The following PHF11 variants were observed in gnomAD, a reference collection of about 807,000 sequenced individuals.
PHF11 encodes the protein BRCA1 C-terminus-associated protein.
In PHF11, 38 loss-of-function variants were observed where a neutral mutation model predicts 40.5. The ratio of observed to expected loss-of-function variants is 0.94; its 90% CI spans 0.72 to 1.23. PHF11 has a LOEUF of 1.23. Among genes scored for constraint, PHF11 ranks in the 50% most tolerant of loss-of-function variants. The pLI is 0.00. For synonymous variants in PHF11, 127 were observed against 138.2 expected (o/e 0.92, Z 0.57); for missense variants, 369 against 392.4 (o/e 0.94, Z 0.50).
chr13:49,522,200 T>C, intron 6 of PHF11, 93 bp downstream of exon 6: 1 of 670,570 alleles, frequency 1.5e-6, no homozygotes, highest in Non-Finnish European at 2.7e-6. Flanking sequence ...ACTTTCCAAA[T>C]CGTCCAAACA....
intron 2 of PHF11, among the ~76,000 whole-genome samples, chr13:49,511,891 G>A (rs1192740746): frequency 6.6e-6 from 1 of 152,064 alleles, no homozygotes; most frequent in Admixed American, 6.6e-5. Context: ...TTAATTTGGG[G>A]CACTCAGTCT....
In PHF11 at chr13:49,526,383, C is replaced by G; in HGVS notation, c.770-4C>G. 1 of 1,596,820 alleles carries G rather than the reference C, an allele frequency of 6.3e-7. No homozygotes were observed. Among genetic ancestry groups the G allele is most frequent in the Non-Finnish European group, 8.6e-7 (1 of 1,164,416 alleles). On this transcript the variant is annotated splice_polypyrimidine_tract_variant and splice_region_variant and intron_variant, in intron 8 of 9. Transcript: ENST00000378319. Reference sequence around the variant, plus strand: ...TAATATTGAAAATGTTTCTCTCCCTCCAGACTATGAAGAAATCGGGAGTGC... The same window carrying G: ...TAATATTGAAAATGTTTCTCTCCCTGCAGACTATGAAGAAATCGGGAGTGC...
chr13:49,528,363 G>C, intron 9 of PHF11, 148 bp from the exon 10 acceptor site: 1 of 577,410 alleles, frequency 1.7e-6, no homozygotes, highest in Non-Finnish European at 3.0e-6. Context: ...AAAGAAACCA[G>C]CTCCTGCCCA....
chr13:49,526,136 T>C, intron 8 of PHF11: 1 of 420,762 alleles, frequency 2.4e-6, no homozygotes, highest in Non-Finnish European at 4.3e-6. Flanking sequence ...ACCACTGCAC[T>C]CCAGTCTGGG....
intron 1 of PHF11, among the ~76,000 whole-genome samples, chr13:49,499,468 C>T (rs554849069): frequency 5.4e-4 from 83 of 152,326 alleles, no homozygotes; most frequent in African/African-American, 2.0e-3. Context: ...TAAAGATATT[C>T]CCAGTGATGC....
At position 49,496,465 on chromosome 13, in the gene PHF11, G is replaced by A. The variant is rs75882099; in HGVS notation, c.94+370G>A. On this transcript the variant is annotated intron_variant, in intron 1 of 9. Coordinates refer to ENST00000378319, the MANE Select transcript of PHF11 (RefSeq NM_001040443.3). ...CGCTCACCGGTAAACCAGGACAGTG[G>A]AGGGGCGCCCTGATGCGGTGAGGCA... is the stretch of plus-strand genomic sequence containing the variant. 4.4e-4 allele frequency: 452 copies of A among 1,017,774 alleles called. No individual in the cohort carries two copies. The African/African-American group carries it at 7.2e-3, about 16-fold the overall frequency. The allele number at this position is 1,017,774 out of a possible 1,614,324, so 63.0% of individuals were successfully genotyped here. A position where few individuals can be genotyped will look rare whatever the true frequency, so the allele number is the denominator to read the frequency against.
At chr13:49,513,322 C>T (rs566769669) in intron 3 of PHF11, among the ~76,000 whole-genome samples, 156 bp downstream of exon 3, 16 of 140,236 alleles carry the variant, frequency 1.1e-4, no homozygotes, top group African/African-American at 4.2e-4. Flanking sequence ...TTCAACTTAA[C>T]ATTTAATTTT....
At chr13:49,499,614 G>C (rs1958873459) in intron 1 of PHF11, among the ~76,000 whole-genome samples, 1 of 152,206 alleles carries the variant, frequency 6.6e-6, no homozygotes, top group South Asian at 2.1e-4. Flanking sequence ...CCATTACCAA[G>C]TTCCTTGCCA....
intron 1 of PHF11, among the ~76,000 whole-genome samples, chr13:49,501,808 A>T (rs1472045464): frequency 6.6e-6 from 1 of 152,030 alleles, no homozygotes; most frequent in African/African-American, 2.4e-5. Flanking sequence ...CTCTTGCCTC[A>T]GCCTCCCGAG....
chr13:49,507,726 T>C (rs1465612545), intron 2 of PHF11, among the ~76,000 whole-genome samples: 1 of 152,358 alleles, frequency 6.6e-6, no homozygotes, highest in South Asian at 2.1e-4. Flanking sequence ...TAACAAAGTC[T>C]TGAATATCTC....
intron 8 of PHF11, 80 bp from the exon 9 acceptor site, chr13:49,526,305 CCT>C (rs1959272775): frequency 2.0e-5 from 17 of 845,230 alleles, no homozygotes; most frequent in South Asian, 7.2e-5. Context: ...TTTCCTTTCC[CCT>C]GTTTTGGATT....
chr13:49,519,124 C>T (rs900514113), intron 4 of PHF11, among the ~76,000 whole-genome samples: 5 of 152,130 alleles, frequency 3.3e-5, no homozygotes, highest in Non-Finnish European at 7.4e-5. Context: ...CGTGAGCCAC[C>T]GCGCCCGGGC....
At chr13:49,519,251 A>G (rs1959176657) in intron 4 of PHF11, among the ~76,000 whole-genome samples, 2 of 152,214 alleles carry the variant, frequency 1.3e-5, no homozygotes, top group African/African-American at 4.8e-5. Context: ...TTGATTCACT[A>G]AGAAACTCAC....
At chr13:49,527,743 T>A (rs762159017) in intron 9 of PHF11, among the ~76,000 whole-genome samples, 1 of 152,170 alleles carries the variant, frequency 6.6e-6, no homozygotes, top group Non-Finnish European at 1.5e-5. Flanking sequence ...ACTACTTGGA[T>A]GGATTAGGTG....
At position 49,506,501 on chromosome 13, in the gene PHF11, A is replaced by C. The variant is rs78529389; in HGVS notation, c.95-134A>C. ...AATAGCTTTTTCACTTGGGTCCCCAATATTTTGTCTCTCTGGGAATTAAGA... is the reference window on the plus strand; with the variant it reads ...AATAGCTTTTTCACTTGGGTCCCCACTATTTTGTCTCTCTGGGAATTAAGA... On this transcript the variant is annotated intron_variant, in intron 1 of 9. Transcript: ENST00000378319. 1.2e-3 allele frequency: 893 copies of C among 750,248 alleles called. 7 individuals carry two copies. In the African/African-American group the frequency reaches 0.014, roughly 12 times the overall value. 46.5% of individuals were successfully genotyped at this position (750,248 alleles called of 1,614,324 possible).
chr13:49,501,000 G>GTTTTTTTTGTTTTT (rs1958892451), intron 1 of PHF11, among the ~76,000 whole-genome samples: 3 of 51,308 alleles, frequency 5.8e-5, no homozygotes, highest in African/African-American at 2.7e-4. Flanking sequence ...ACCAACTTTT[G>GTTTTTTTTGTTTTT]TTTTTTTTTT....
chr13:49,508,679 G>C, intron 2 of PHF11, among the ~76,000 whole-genome samples: 1 of 151,850 alleles, frequency 6.6e-6, no homozygotes. Flanking sequence ...AACTTCTCTA[G>C]ATTTACCTGG....
At chr13:49,502,740 G>C (rs914959359) in intron 1 of PHF11, among the ~76,000 whole-genome samples, 1 of 152,046 alleles carries the variant, frequency 6.6e-6, no homozygotes. Context: ...TGTTTGTTTT[G>C]AGACGGAGTT....
intron 3 of PHF11, 62 bp from the exon 4 acceptor site, chr13:49,517,956 C>A: frequency 1.1e-6 from 1 of 935,926 alleles, no homozygotes; most frequent in Non-Finnish European, 1.6e-6. Flanking sequence ...TTAATGATAT[C>A]TTTGAATTTT....
Sources: allele counts gnomAD v4.1 joint callset (sites outside exome capture counted in the v4.1 genomes callset), GRCh38; gene constraint gnomAD v4.1.1; transcripts MANE v1.5; gene names NCBI Gene and HGNC (gene_info 2026-07-23, HGNC 2026-07-21).